The following CFAP54 variants were observed in gnomAD, a reference collection of about 807,000 sequenced individuals.
The protein encoded by CFAP54 is cilia and flagella associated protein 54.
A neutral mutation model predicts 370.4 loss-of-function variants in CFAP54; 290 were observed. That is an observed-to-expected ratio of 0.78 (90% CI 0.71 to 0.86). The LOEUF (loss-of-function observed/expected upper bound fraction) is 0.86, where lower values mean the gene tolerates loss of function less well. Among genes scored for constraint, CFAP54 ranks in the 40% least tolerant of loss-of-function variants. The pLI, the probability that CFAP54 is intolerant of heterozygous loss-of-function variation, is 0.00. For synonymous variants in CFAP54, 1,206 were observed against 1,236.5 expected (o/e 0.98, Z 0.52); for missense variants, 3,399 against 3,528.7 (o/e 0.96, Z 0.93).
intron 66 of CFAP54, among the ~76,000 whole-genome samples, chr12:96,848,050 G>T (rs914763887): frequency 7.2e-5 from 11 of 152,042 alleles, no homozygotes; most frequent in African/African-American, 2.7e-4. Flanking sequence ...TCTGCAAAAT[G>T]CCTTTTACAA....
chr12:96,585,953 G>A (rs1956073088), intron 22 of CFAP54, among the ~76,000 whole-genome samples: 1 of 152,098 alleles, frequency 6.6e-6, no homozygotes, highest in Admixed American at 6.5e-5. Context: ...TTGGATGGGG[G>A]CCCATCTTGC....
chr12:96,664,440 T>C (rs1256517267), intron 39 of CFAP54, among the ~76,000 whole-genome samples: 2 of 152,102 alleles, frequency 1.3e-5, no homozygotes, highest in African/African-American at 4.8e-5. Context: ...GCTCCATCCA[T>C]GTTCCTGCCA....
chr12:96,819,168 A>G (rs78959470), intron 65 of CFAP54, among the ~76,000 whole-genome samples: 9 of 152,350 alleles, frequency 5.9e-5, no homozygotes, highest in African/African-American at 2.2e-4. Flanking sequence ...AGTATCGGTC[A>G]TGAAAGATGG....
At chr12:96,847,646 C>G (rs1959398016) in intron 66 of CFAP54, among the ~76,000 whole-genome samples, 1 of 152,212 alleles carries the variant, frequency 6.6e-6, no homozygotes, top group African/African-American at 2.4e-5. Flanking sequence ...CAGTTTCCTG[C>G]AATATATCCT....
At position 96,769,710 on chromosome 12, in the gene CFAP54, C is replaced by T. The variant is rs115329077; in HGVS notation, c.8281+4492C>T. On this transcript the variant is annotated intron_variant, in intron 60 of 67. Transcript: ENST00000524981. ...GCTCAGAGCCAAATGATGAGCCTTC[C>T]CATGGCTACATGGCTGTGATAACAA... 5.9e-3 allele frequency among the ~76,000 whole-genome samples: 905 copies of T among 152,288 alleles called. 8 individuals carry two copies. The highest frequency in any genetic ancestry group is 0.02 in the African/African-American group (844 of 41,548).
chr12:96,851,063 C>T (rs1959529316), intron 66 of CFAP54, among the ~76,000 whole-genome samples: 1 of 152,064 alleles, frequency 6.6e-6, no homozygotes, highest in Non-Finnish European at 1.5e-5. Flanking sequence ...GAAAGAAATA[C>T]TTTACCTTTT....
intron 39 of CFAP54, among the ~76,000 whole-genome samples, chr12:96,678,376 T>G (rs1957234247): frequency 6.6e-6 from 1 of 152,082 alleles, no homozygotes; most frequent in African/African-American, 2.4e-5. Flanking sequence ...CTCAGCCTCT[T>G]CAGTTGCTGG....
Position 96,612,991 on chromosome 12 carries a change from G to A in CFAP54, c.3640-8599G>A, listed in dbSNP as rs184946367. ...ACAGAAAGTTAAAAAGGATATACAG[G>A]AACTGAACTCAGCTCTGCACCAGGC... On this transcript the variant is annotated intron_variant, in intron 26 of 67. Transcript: ENST00000524981. Among the ~76,000 whole-genome samples, 60 of 152,198 alleles carry A rather than the reference G, an allele frequency of 3.9e-4. No individual in the cohort carries two copies. In the East Asian group the frequency reaches 0.011, roughly 27 times the overall value.
chr12:96,868,611 G>T (rs1328490657), intron 67 of CFAP54, among the ~76,000 whole-genome samples: 5 of 151,558 alleles, frequency 3.3e-5, no homozygotes, highest in Non-Finnish European at 7.4e-5. Context: ...ATTCGTATTT[G>T]AACTTGCTCA....
intron 64 of CFAP54, among the ~76,000 whole-genome samples, chr12:96,817,164 T>G (rs1051491889): frequency 6.6e-6 from 1 of 152,220 alleles, no homozygotes; most frequent in Non-Finnish European, 1.5e-5. Flanking sequence ...ACATAGATAA[T>G]TATTTTCTTT....
In CFAP54 at chr12:96,518,933, A is replaced by C. The variant is rs1172996514; in HGVS notation, c.804A>C (p.Leu268Phe). Residue 268 changes from leucine (L) to phenylalanine (F), a missense_variant, in exon 6 of 68, where the codon TTA (leucine) becomes TTC (phenylalanine). Coordinates refer to ENST00000524981, the MANE Select transcript of CFAP54 (RefSeq NM_001306084.2). ...TGGTGCCCTTTATTTTGCAGGCCTT[A>C]GAGTATCTCCTGTGGGCCAGCATGT... ...LMVIGQSSKALEYLLWASMCM... is the reference protein window; with the variant it reads ...LMVIGQSSKAFEYLLWASMCM... 6.5e-7 allele frequency: 1 copy of C among 1,534,246 alleles called. No individual in the cohort carries two copies. The highest frequency in any genetic ancestry group is 2.0e-5 in the Admixed American group (1 of 50,790).
At chr12:96,553,976 A>C (rs1242190420) in intron 15 of CFAP54, among the ~76,000 whole-genome samples, 1 of 152,084 alleles carries the variant, frequency 6.6e-6, no homozygotes, top group Non-Finnish European at 1.5e-5. Context: ...AAAATGGTGA[A>C]ATTTATTTAT....
intron 50 of CFAP54, among the ~76,000 whole-genome samples, chr12:96,731,642 A>G (rs1360193947): frequency 6.6e-6 from 1 of 152,170 alleles, no homozygotes; most frequent in East Asian, 1.9e-4. Context: ...TAATATTTAG[A>G]TTTTTTTCCT....
chr12:96,779,351 C>T (rs574665647), intron 60 of CFAP54, among the ~76,000 whole-genome samples: 1 of 152,152 alleles, frequency 6.6e-6, no homozygotes, highest in African/African-American at 2.4e-5. Context: ...GACTTCTGTT[C>T]ACCCCTATGT....
chr12:96,626,067 C>T (rs1956546609), intron 29 of CFAP54, among the ~76,000 whole-genome samples: 1 of 152,030 alleles, frequency 6.6e-6, no homozygotes. Context: ...TATTATGAAG[C>T]TTACAAAAAC....
intron 50 of CFAP54, among the ~76,000 whole-genome samples, chr12:96,725,680 C>A (rs958603870): frequency 6.6e-6 from 1 of 152,174 alleles, no homozygotes; most frequent in South Asian, 2.1e-4. Flanking sequence ...CTTCTCCTGC[C>A]TGATTGCCCT....
intron 19 of CFAP54, among the ~76,000 whole-genome samples, chr12:96,568,918 TAA>T (rs778336954): frequency 1.3e-5 from 2 of 151,372 alleles, no homozygotes; most frequent in Non-Finnish European, 2.9e-5. Flanking sequence ...TTTTTTTTTT[TAA>T]TTATGGGGAT....
intron 66 of CFAP54, among the ~76,000 whole-genome samples, chr12:96,854,042 A>G (rs1565762104): frequency 1.3e-5 from 2 of 152,096 alleles, no homozygotes; most frequent in Admixed American, 1.3e-4. Flanking sequence ...TAACATGGAA[A>G]GTATTCCACA....
At chr12:96,732,860 G>GTT (rs143874439) in intron 50 of CFAP54, among the ~76,000 whole-genome samples, 3,429 of 149,152 alleles carry the variant, frequency 0.023, 147 homozygotes, top group East Asian at 0.22. Flanking sequence ...CTATAGAACT[G>GTT]TTTTTTTTTT....
Sources: gnomAD v4.1 joint callset for allele counts (sites outside exome capture counted in the v4.1 genomes callset) on GRCh38, gnomAD v4.1.1 for gene constraint, MANE v1.5 for transcripts, NCBI Gene and HGNC (gene_info 2026-07-23, HGNC 2026-07-21) for gene names.